The following SLC44A4 variants were observed in gnomAD, a reference collection of about 807,000 sequenced individuals.
The protein encoded by SLC44A4 is choline transporter-like protein 4.
Under a neutral mutation model 97.0 loss-of-function variants are expected in SLC44A4, and 74 were observed. The observed-to-expected ratio is 0.76, with a 90% CI of 0.63 to 0.93. SLC44A4 has a LOEUF of 0.93. Ranked by LOEUF, SLC44A4 falls within the 40% of genes least tolerant of loss-of-function variation. The pLI, the probability that SLC44A4 is intolerant of heterozygous loss-of-function variation, is 0.00. For missense variants in SLC44A4, 799 were observed against 902.9 expected (o/e 0.88, Z 1.48); for synonymous variants, 325 against 363.8 (o/e 0.89, Z 1.21).
chr6:31,877,535 C>A lies in SLC44A4; in HGVS notation c.41-453G>T, dbSNP rs1763509839. 1.5e-5 allele frequency: 14 copies of A among 937,426 alleles called. No individual in the cohort carries two copies. Among genetic ancestry groups the A allele is most frequent in the African/African-American group, 3.5e-5 (2 of 56,576 alleles). The allele number at this position is 937,426 out of a possible 1,614,324, so 58.1% of individuals were successfully genotyped here. A position where few individuals can be genotyped will look rare whatever the true frequency, so the allele number is the denominator to read the frequency against. On this transcript the variant is annotated intron_variant, in intron 1 of 20. Transcript: ENST00000229729. This position sits in a 1 kb window ranked among gnomAD's most constrained non-coding sequence, Gnocchi z 6.5. ...CCCCTCAGGGAGGTCATGGCCTCTT[C>A]CCCTATCTGCCCCAGGCCCTACCTT...
In SLC44A4 at chr6:31,871,504, G is replaced by T. The variant is rs1362105413; in HGVS notation, c.587C>A (p.Thr196Asn). The T allele has an allele frequency of 6.2e-7, 1 of 1,613,972 alleles. No homozygotes were observed. Among genetic ancestry groups the T allele is most frequent in the African/African-American group, 1.3e-5 (1 of 75,000 alleles). Residue 196 changes from threonine to asparagine, a missense_variant, in exon 8 of 21, where the codon ACC becomes AAC. Thr to Asn is a moderately conservative substitution (Grantham distance 65, BLOSUM62 0). Around this residue, in one of 3 missense-constraint regions of SLC44A4, gnomAD observed 409 missense variants for 434.1 expected, o/e 0.94. Coordinates refer to ENST00000229729, the MANE Select transcript of SLC44A4 (RefSeq NM_025257.3). The part of the protein sequence containing the change: ...NVTPPALPGI[T>N]NDTTIQQGIS... ...CCCCTGCTGTATGGTGGTGTCATTG[G>T]TGATCCCTGGGAGCGCCGGTGGAGT...
At chr6:31,870,462 C>T (rs1763094436) in intron 11 of SLC44A4, 141 bp downstream of exon 11, 1 of 654,166 alleles carries the variant, frequency 1.5e-6, no homozygotes, top group Admixed American at 2.8e-5. Flanking sequence ...GAAGCAAAGC[C>T]ACAGCAGTGT....
rs751082838 is a variant in SLC44A4, at chr6:31,874,417, A to T, written c.529+43T>A. 6.2e-6 allele frequency: 10 copies of T among 1,601,526 alleles called. No individual in the cohort carries two copies. The highest frequency in any genetic ancestry group is 8.5e-6 in the Non-Finnish European group (10 of 1,169,794). On this transcript the variant is annotated intron_variant, in intron 7 of 20. Transcript: ENST00000229729. This position sits in a 1 kb window ranked among gnomAD's most constrained non-coding sequence, Gnocchi z 4.8. The stretch of plus-strand genomic sequence containing the variant: ...ATTTCTTCATTCAAGCAATGAAAAC[A>T]CTGGACTAGATGACGTCTGAGGAAG...
intron 9 of SLC44A4, 40 bp downstream of exon 9, chr6:31,871,274 G>C: frequency 6.3e-7 from 1 of 1,579,074 alleles, no homozygotes; most frequent in Non-Finnish European, 8.7e-7. Flanking sequence ...CAGGGAGGAA[G>C]AAGGCAAGGA....
intron 20 of SLC44A4, among the ~76,000 whole-genome samples, chr6:31,864,217 G>A (rs1466449989): frequency 6.6e-6 from 1 of 152,136 alleles, no homozygotes; most frequent in East Asian, 1.9e-4. Flanking sequence ...TGGGATTACA[G>A]GCGCCCGCCA....
In SLC44A4 at chr6:31,871,500, A is replaced by C. The variant is rs200340707; in HGVS notation, c.591T>G (p.Asn197Lys). 3 of 1,613,930 alleles carry C rather than the reference A, an allele frequency of 1.9e-6. No homozygotes were observed. Among genetic ancestry groups the C allele is most frequent in the Admixed American group, 3.3e-5 (2 of 60,010 alleles). ...TGATCCCCTGCTGTATGGTGGTGTC[A>C]TTGGTGATCCCTGGGAGCGCCGGTG... is the stretch of plus-strand genomic sequence containing the variant. ...VTPPALPGIT[N>K]DTTIQQGISG... is the part of the protein sequence containing the mutation. Residue 197 changes from asparagine to lysine, a missense_variant, in exon 8 of 21, where the codon AAT (asparagine) becomes AAG (lysine). Around this residue, in one of 3 missense-constraint regions of SLC44A4, gnomAD observed 409 missense variants for 434.1 expected, o/e 0.94. Transcript: ENST00000229729.
Position 31,865,223 on chromosome 6 carries a change from T to C in SLC44A4, c.1760+92A>G. The stretch of plus-strand genomic sequence containing the variant: ...CAAGAGCAGAGCACTAAACTAAGTC[T>C]AGGGCCCGACTGAGCACAGCACACC... On this transcript the variant is annotated intron_variant, in intron 17 of 20. Coordinates refer to ENST00000229729, the MANE Select transcript of SLC44A4 (RefSeq NM_025257.3). The surrounding 1 kb of genome is among the most constrained non-coding windows in gnomAD (Gnocchi z 5.2). The C allele has an allele frequency of 6.5e-7, 1 of 1,547,620 alleles. No individual in the cohort carries two copies. The highest frequency in any genetic ancestry group is 8.9e-7 in the Non-Finnish European group (1 of 1,120,052).
At chr6:31,867,006 C>G (rs1762904698) in intron 13 of SLC44A4, among the ~76,000 whole-genome samples, 1 of 152,060 alleles carries the variant, frequency 6.6e-6, no homozygotes, top group Admixed American at 6.6e-5. Flanking sequence ...TCTACTTTTG[C>G]ATATGTTTAA....
Position 31,878,846 on chromosome 6 carries a change from T to G in SLC44A4, c.40+95A>C. ...TCCCCTCAGGGACACAGTACTCTCC[T>G]TAGTTCCTCTCCCTGGAGCCAGCCC... is the stretch of plus-strand genomic sequence containing the variant. On this transcript the variant is annotated intron_variant, in intron 1 of 20. Coordinates refer to ENST00000229729, the MANE Select transcript of SLC44A4 (RefSeq NM_025257.3). The surrounding 1 kb of genome is among the most constrained non-coding windows in gnomAD (Gnocchi z 4.0). The G allele has an allele frequency of 7.2e-7, 1 of 1,395,766 alleles. No individual in the cohort carries two copies. The highest frequency in any genetic ancestry group is 1.0e-6 in the Non-Finnish European group (1 of 982,714). The allele number at this position is 1,395,766 out of a possible 1,614,324, so 86.5% of individuals were successfully genotyped here. A position where few individuals can be genotyped will look rare whatever the true frequency, so the allele number is the denominator to read the frequency against.
intron 20 of SLC44A4, 108 bp downstream of exon 20, chr6:31,864,544 T>G: frequency 9.5e-7 from 1 of 1,053,624 alleles, no homozygotes. Context: ...TTCGTTTAGC[T>G]CACAAAGGCA....
Position 31,876,058 on chromosome 6 carries a change from A to G in SLC44A4, c.161T>C (p.Val54Ala), listed in dbSNP as rs1032009751. Reference sequence around the variant, plus strand: ...GCTCTGAGCAGCTGGAAACTCACCCACAATCCCCACCACGATGTAACCTAG... The same window carrying G: ...GCTCTGAGCAGCTGGAAACTCACCCGCAATCCCCACCACGATGTAACCTAG... ...FILGYIVVGI[V>A]AWLYGDPRQV... Residue 54 changes from valine to alanine, a missense_variant and splice_region_variant, in exon 3 of 21, where the codon GTG (valine) becomes GCG (alanine). By Grantham distance (64) the Val-to-Ala change is moderately conservative. Transcript: ENST00000229729. This position sits in a 1 kb window ranked among gnomAD's most constrained non-coding sequence, Gnocchi z 4.8. The G allele has an allele frequency of 9.9e-6, 16 of 1,614,004 alleles. No individual in the cohort carries two copies. Among genetic ancestry groups the G allele is most frequent in the Non-Finnish European group, 1.4e-5 (16 of 1,180,004 alleles).
At chr6:31,871,439 G>C in intron 8 of SLC44A4, 35 bp downstream of exon 8, 2 of 1,613,320 alleles carry the variant, frequency 1.2e-6, no homozygotes, top group Non-Finnish European at 1.7e-6. Flanking sequence ...GGGTGGAAGG[G>C]GTGTGGCCAG....
chr6:31,872,408 A>T (rs1303427161), intron 7 of SLC44A4, among the ~76,000 whole-genome samples: 1 of 151,632 alleles, frequency 6.6e-6, no homozygotes, highest in Non-Finnish European at 1.5e-5. Context: ...GCTAATTTTT[A>T]AATTTTTTGT....
Position 31,874,958 on chromosome 6 carries a change from C to T in SLC44A4, c.313G>A (p.Glu105Lys). ...ILSSNIISVA[E>K]NGLQCPTPQV... ...GGTGTGGGGCACTGTAGGCCGTTCT[C>T]AGCAACTGAGATGATGTTGCTGGAC... is the stretch of plus-strand genomic sequence containing the variant. Residue 105 changes from glutamate to lysine, a missense_variant, in exon 5 of 21, where the codon GAG (glutamate) becomes AAG (lysine). Physicochemically the swap from Glu to Lys is moderately conservative, Grantham distance 56 (BLOSUM62 1). Around this residue, in one of 3 missense-constraint regions of SLC44A4, gnomAD observed 409 missense variants for 434.1 expected, o/e 0.94. Transcript: ENST00000229729. The surrounding 1 kb of genome is among the most constrained non-coding windows in gnomAD (Gnocchi z 4.8). The T allele has an allele frequency of 6.2e-7, 1 of 1,613,656 alleles. No individual in the cohort carries two copies. The highest frequency in any genetic ancestry group is 8.5e-7 in the Non-Finnish European group (1 of 1,180,006).
chr6:31,871,455 G>C lies in SLC44A4; in HGVS notation c.617+19C>G. 1.9e-6 allele frequency: 3 copies of C among 1,613,636 alleles called. No individual in the cohort carries two copies. Among genetic ancestry groups the C allele is most frequent in the East Asian group, 2.2e-5 (1 of 44,882 alleles). The stretch of plus-strand genomic sequence containing the variant: ...GGTGGAAGGGGTGTGGCCAGGATGT[G>C]GGGGAGGGAGGTGCCTACCTGATCC... On this transcript the variant is annotated intron_variant, in intron 8 of 20. Transcript: ENST00000229729.
chr6:31,871,317 A>C lies in SLC44A4; in HGVS notation c.698T>G (p.Leu233Arg). 1 of 1,613,900 alleles carries C rather than the reference A, an allele frequency of 6.2e-7. No homozygotes were observed. The highest frequency in any genetic ancestry group is 8.5e-7 in the Non-Finnish European group (1 of 1,179,774). The change falls in exon 9 of 21, where the codon CTT becomes CGT. Residue 233 changes from leucine to arginine, a missense_variant. By Grantham distance (102) the Leu-to-Arg change is moderately radical. Transcript: ENST00000229729. ...EDFAQSWYWI[L>R]VALGVALVLS... ...GGAGGGGAATCTGGTGACTCACACA[A>C]GAATCCAATACCAGGACTGGGCAAA...
chr6:31,876,985 A>G lies in SLC44A4; in HGVS notation c.89+49T>C. ...ATACAAAGCAAATACTGGATTCCACACTGCACCCACCACCCCCGCCAGCCC... is the reference window on the plus strand; with the variant it reads ...ATACAAAGCAAATACTGGATTCCACGCTGCACCCACCACCCCCGCCAGCCC... On this transcript the variant is annotated intron_variant, in intron 2 of 20. Transcript: ENST00000229729. The surrounding 1 kb of genome is among the most constrained non-coding windows in gnomAD (Gnocchi z 4.8). 2 of 1,556,600 alleles carry G rather than the reference A, an allele frequency of 1.3e-6. No homozygotes were observed. Among genetic ancestry groups the G allele is most frequent in the Non-Finnish European group, 1.7e-6 (2 of 1,143,002 alleles).
In SLC44A4 at chr6:31,875,893, G is replaced by T; in HGVS notation, c.201C>A (p.Pro67=). 1 of 1,613,534 alleles carries T rather than the reference G, an allele frequency of 6.2e-7. No individual in the cohort carries two copies. Among genetic ancestry groups the T allele is most frequent in the South Asian group, 1.1e-5 (1 of 90,970 alleles). ...LYGDPRQVLY[P]RNSTGAYCGM... is the part of the protein sequence containing the mutation. ...CACAGTAGGCCCCAGTAGAGTTCCTGGGGTAGAGGACTTGCCGGGGGTCTC... is the reference window on the plus strand; with the variant it reads ...CACAGTAGGCCCCAGTAGAGTTCCTTGGGTAGAGGACTTGCCGGGGGTCTC... Residue 67 remains proline, a synonymous_variant, in exon 4 of 21, where the codon CCC becomes CCA. Coordinates refer to ENST00000229729, the MANE Select transcript of SLC44A4 (RefSeq NM_025257.3).
rs770553880 is a variant in SLC44A4, at chr6:31,865,661, C to T, written c.1582+29G>A. On this transcript the variant is annotated intron_variant, in intron 15 of 20. Coordinates refer to ENST00000229729, the MANE Select transcript of SLC44A4 (RefSeq NM_025257.3). This position sits in a 1 kb window ranked among gnomAD's most constrained non-coding sequence, Gnocchi z 5.2. The stretch of plus-strand genomic sequence containing the variant: ...CCCTCCCTAATGGCCTTCCCCAGCT[C>T]CTGACTCCTACTCCGACTCCAGACT... 2.5e-6 allele frequency: 4 copies of T among 1,612,834 alleles called. No homozygotes were observed. The South Asian group carries it at 4.4e-5, about 18-fold the overall frequency.
Sources: allele counts gnomAD v4.1 joint callset (sites outside exome capture counted in the v4.1 genomes callset), GRCh38; gene constraint gnomAD v4.1.1; regional missense constraint gnomAD v4.1.1; non-coding constraint Gnocchi (gnomAD v3.1); transcripts MANE v1.5; gene names NCBI Gene and HGNC (gene_info 2026-07-23, HGNC 2026-07-21).